The following RYR3 variants were observed in gnomAD, a reference collection of about 807,000 sequenced individuals.
RYR3 encodes brain ryanodine receptor-calcium release channel.
In RYR3, 207 loss-of-function variants were observed where a neutral mutation model predicts 584.3. That is an observed-to-expected ratio of 0.35 (90% CI 0.32 to 0.40). The LOEUF is 0.40. Ranked by LOEUF, RYR3 falls within the 10% of genes least tolerant of loss-of-function variation. The pLI, the probability that RYR3 is intolerant of heterozygous loss-of-function variation, is 1.00. For missense variants in RYR3, 5,616 were observed against 6,089.2 expected, an observed-to-expected ratio of 0.92 and a Z score of 2.59; for synonymous variants, 2,416 against 2,248.5, an observed-to-expected ratio of 1.07 and a Z score of -2.11.
intron 88 of RYR3, 54 bp downstream of exon 88, chr15:33,837,041 C>G: frequency 7.4e-7 from 1 of 1,343,238 alleles, no homozygotes; most frequent in Admixed American, 1.8e-5. Context: ...GGTCTGAGCA[C>G]TAACCTTACT....
chr15:33,359,632 A>G (rs189079011), intron 1 of RYR3, among the ~76,000 whole-genome samples: 102 of 150,014 alleles, frequency 6.8e-4, no homozygotes, highest in African/African-American at 2.5e-3. Flanking sequence ...TTATTTATTT[A>G]TTTTCAGACG....
chr15:33,486,049 A>AC (rs1240086265), intron 2 of RYR3, among the ~76,000 whole-genome samples: 1 of 152,150 alleles, frequency 6.6e-6, no homozygotes, highest in Non-Finnish European at 1.5e-5. Flanking sequence ...CATAGAAACA[A>AC]CCCCTAGGTG....
intron 12 of RYR3, among the ~76,000 whole-genome samples, chr15:33,578,782 C>A (rs60426138): frequency 0.36 from 26,061 of 71,596 alleles, 3,873 homozygotes; most frequent in African/African-American, 0.55. Flanking sequence ...AAAAAAACAA[C>A]AACAAAAAAA....
chr15:33,629,883 C>A (rs542521773), intron 21 of RYR3, 57 bp from the exon 22 acceptor site: 33 of 904,296 alleles, frequency 3.6e-5, no homozygotes, highest in Middle Eastern at 2.2e-4. Context: ...TCTGTTTTCC[C>A]ATGCAGTGCC....
chr15:33,788,195 G>C (rs773085838), intron 66 of RYR3, 23 bp from the exon 67 acceptor site: 1 of 1,612,684 alleles, frequency 6.2e-7, no homozygotes, highest in Admixed American at 1.7e-5. Context: ...GTGAAATGAC[G>C]GGGAGGCTCT....
intron 1 of RYR3, among the ~76,000 whole-genome samples, chr15:33,405,070 C>G (rs901419223): frequency 6.6e-6 from 1 of 152,112 alleles, no homozygotes. Context: ...GTGAAATCCC[C>G]CATGAGATAA....
intron 76 of RYR3, among the ~76,000 whole-genome samples, chr15:33,818,937 G>A (rs965463517): frequency 2.0e-5 from 3 of 152,056 alleles, no homozygotes; most frequent in Non-Finnish European, 2.9e-5. Context: ...CAGCCTGACC[G>A]ACATGGTGAA....
rs770673523 is a variant in RYR3, at chr15:33,632,989, T to G, written c.2908T>G (p.Leu970Val). The change falls in exon 24 of 104, where the codon TTG becomes GTG. Residue 970 changes from leucine (L) to valine (V), a missense_variant. Leu to Val is a conservative substitution (Grantham distance 32, BLOSUM62 1). Transcript: ENST00000634891. ...SNGYKPAPLDLSDVKLLPPQE... is the reference protein window; with the variant it reads ...SNGYKPAPLDVSDVKLLPPQE... ...CGGCTATAAGCCAGCCCCTTTGGAT[T>G]TGTCTGATGTGAAGCTGTTACCTCC... 6.2e-7 allele frequency: 1 copy of G among 1,613,976 alleles called. No homozygotes were observed. The highest frequency in any genetic ancestry group is 1.1e-5 in the South Asian group (1 of 91,064).
chr15:33,409,717 CGA>C (rs1017714229), intron 1 of RYR3, among the ~76,000 whole-genome samples: 3 of 152,128 alleles, frequency 2.0e-5, no homozygotes, highest in African/African-American at 7.2e-5. Context: ...GGTGGGTGTA[CGA>C]GAGAGAGAAT....
At chr15:33,408,611 C>T (rs1456958290) in intron 1 of RYR3, among the ~76,000 whole-genome samples, 1 of 152,200 alleles carries the variant, frequency 6.6e-6, no homozygotes, top group Non-Finnish European at 1.5e-5. Context: ...GTTACTTTCT[C>T]ACTAATGGTG....
intron 47 of RYR3, among the ~76,000 whole-genome samples, chr15:33,730,222 C>T (rs1409715336): frequency 6.6e-6 from 1 of 151,872 alleles, no homozygotes; most frequent in Non-Finnish European, 1.5e-5. Flanking sequence ...CTCATGGGAT[C>T]TCCCCAAGCT....
At chr15:33,493,282 C>T (rs1369308) in intron 2 of RYR3, among the ~76,000 whole-genome samples, 112,948 of 152,036 alleles carry the variant, frequency 0.74, 43,115 homozygotes, top group African/African-American at 0.93. Context: ...TTTTATCTCC[C>T]GTTTGACATT....
chr15:33,822,843 A>G (rs560710920), intron 80 of RYR3, among the ~76,000 whole-genome samples, 153 bp from the exon 81 acceptor site: 46 of 152,374 alleles, frequency 3.0e-4, no homozygotes, highest in African/African-American at 9.4e-4. Context: ...GTGGGCGTTT[A>G]TAAAATAAAC....
chr15:33,751,823 GAT>G (rs1567093698), intron 57 of RYR3, among the ~76,000 whole-genome samples: 1 of 152,154 alleles, frequency 6.6e-6, no homozygotes. Flanking sequence ...TGTCCTGAAT[GAT>G]ATTGCCTAGG....
At position 33,694,512 on chromosome 15, in the gene RYR3, G is replaced by C. The variant is rs1302030856; in HGVS notation, c.5861-1706G>C. Among the ~76,000 whole-genome samples the C allele has an allele frequency of 3.3e-5, 5 of 152,036 alleles. No homozygotes were observed. The East Asian group carries it at 9.7e-4, about 29-fold the overall frequency. The stretch of plus-strand genomic sequence containing the variant: ...ACCCACCTCGGCCTCCCAAAGTGCT[G>C]GGATTACAGGCGTGAGCCACTGCGC... On this transcript the variant is annotated intron_variant, in intron 38 of 103. Transcript: ENST00000634891.
chr15:33,410,180 G>T (rs2043305170), intron 1 of RYR3, among the ~76,000 whole-genome samples: 1 of 152,182 alleles, frequency 6.6e-6, no homozygotes, highest in Non-Finnish European at 1.5e-5. Flanking sequence ...ACCGCCTGGG[G>T]AATCTATGCC....
At chr15:33,712,747 A>C (rs1353263760) in intron 43 of RYR3, among the ~76,000 whole-genome samples, 1 of 152,202 alleles carries the variant, frequency 6.6e-6, no homozygotes, top group Non-Finnish European at 1.5e-5. Flanking sequence ...GTTACAGAAG[A>C]GTTTGGAGTA....
In RYR3 at chr15:33,670,400, CT is replaced by C. The variant is rs2063773649; in HGVS notation, c.5723-18del. 2 of 1,612,534 alleles carry C rather than the reference CT, an allele frequency of 1.2e-6. No individual in the cohort carries two copies. Among genetic ancestry groups the C allele is most frequent in the Non-Finnish European group, 8.5e-7 (1 of 1,179,256 alleles). On this transcript the variant is annotated intron_variant, in intron 37 of 103. Coordinates refer to ENST00000634891, the MANE Select transcript of RYR3 (RefSeq NM_001036.6). ...TCATGCACTGCTTTGGATTTTCACC[CT>C]GTTCTGTGGCTTGCTAGGGGTTCCT...
intron 1 of RYR3, among the ~76,000 whole-genome samples, chr15:33,325,348 C>T (rs1253711236): frequency 3.9e-5 from 6 of 152,196 alleles, no homozygotes; most frequent in Non-Finnish European, 8.8e-5. Flanking sequence ...GAGCATAAAC[C>T]CAGCCATCAC....
Sources: gnomAD v4.1 joint callset for allele counts (sites outside exome capture counted in the v4.1 genomes callset) on GRCh38, gnomAD v4.1.1 for gene constraint, MANE v1.5 for transcripts, NCBI Gene and HGNC (gene_info 2026-07-23, HGNC 2026-07-21) for gene names.